CAST: variants seen among roughly 807,000 people sequenced by gnomAD.
The protein encoded by CAST is calpastatin.
In CAST, 76 loss-of-function variants were observed where a neutral mutation model predicts 119.6. The observed-to-expected ratio is 0.64, with a 90% CI of 0.53 to 0.77. The LOEUF is 0.77. CAST is among the 30% of genes least tolerant of loss of function. The pLI, the probability that CAST is intolerant of heterozygous loss-of-function variation, is 0.00. For missense variants in CAST, 953 were observed against 946.5 expected (o/e 1.01, Z -0.09); for synonymous variants, 319 against 331.6 (o/e 0.96, Z 0.41).
intron 1 of CAST, among the ~76,000 whole-genome samples, chr5:96,651,277 C>T (rs113707885): frequency 6.6e-6 from 1 of 152,204 alleles, no homozygotes; most frequent in African/African-American, 2.4e-5. Flanking sequence ...CTCCACCACA[C>T]TGCAGAGGAT....
the CAST span, among the ~76,000 whole-genome samples, chr5:96,503,372 G>T: frequency 6.6e-6 from 1 of 152,014 alleles, no homozygotes; most frequent in African/African-American, 2.4e-5. Context: ...ATCCTCTTTG[G>T]CCTGAATTAT....
chr5:96,166,348 T>A, the CAST span, among the ~76,000 whole-genome samples: 1 of 152,206 alleles, frequency 6.6e-6, no homozygotes, highest in African/African-American at 2.4e-5. Context: ...AACAGAAGTA[T>A]TTAACAACAG....
At chr5:96,416,198 G>T in the CAST span, 2 of 968,498 alleles carry the variant, frequency 2.1e-6, no homozygotes, top group Non-Finnish European at 3.3e-6. Flanking sequence ...AATTAATGGG[G>T]CATAGGTATA....
At chr5:96,364,636 G>A in the CAST span, among the ~76,000 whole-genome samples, 5 of 152,176 alleles carry the variant, frequency 3.3e-5, no homozygotes, top group African/African-American at 1.2e-4. Flanking sequence ...ATTCTCTGAT[G>A]GTAGTTTGTA....
chr5:95,965,593 G>A, the CAST span, among the ~76,000 whole-genome samples: 3 of 152,200 alleles, frequency 2.0e-5, no homozygotes, highest in Non-Finnish European at 4.4e-5. Context: ...AATTTCCAGA[G>A]AGAAAATCTT....
the CAST span, among the ~76,000 whole-genome samples, chr5:96,425,266 C>T: frequency 6.6e-6 from 1 of 152,292 alleles, no homozygotes; most frequent in East Asian, 1.9e-4. Context: ...AGGTAGACAG[C>T]AACACTTAAC....
At chr5:96,411,257 C>T in the CAST span, among the ~76,000 whole-genome samples, 5 of 152,220 alleles carry the variant, frequency 3.3e-5, no homozygotes, top group East Asian at 3.8e-4. Flanking sequence ...CATAATCTAG[C>T]GTTTTGCACT....
chr5:96,029,086 G>A, the CAST span, among the ~76,000 whole-genome samples: 1 of 152,082 alleles, frequency 6.6e-6, no homozygotes, highest in East Asian at 1.9e-4. Context: ...TTCAGGATCT[G>A]GCCAAATGTG....
chr5:96,062,154 G>T, the CAST span, among the ~76,000 whole-genome samples: 3 of 152,070 alleles, frequency 2.0e-5, no homozygotes, highest in Non-Finnish European at 4.4e-5. Flanking sequence ...CTCAGGATTG[G>T]CATAACATTG....
chr5:96,661,383 C>T (rs1299121393), upstream of CAST, among the ~76,000 whole-genome samples: 1 of 144,788 alleles, frequency 6.9e-6, no homozygotes, highest in Non-Finnish European at 1.5e-5. Flanking sequence ...AGAGATCGCG[C>T]CACTGCACTC....
chr5:96,654,900 T>C (rs963828260), intron 1 of CAST, among the ~76,000 whole-genome samples: 4 of 152,240 alleles, frequency 2.6e-5, no homozygotes, highest in African/African-American at 7.2e-5. Flanking sequence ...GTATACTATG[T>C]GTTTATTGCA....
the CAST span, among the ~76,000 whole-genome samples, chr5:96,444,816 T>C: frequency 6.6e-6 from 1 of 152,214 alleles, no homozygotes; most frequent in Admixed American, 6.5e-5. Context: ...TTTTTTCCCC[T>C]ATGGTTCAGT....
At chr5:96,632,123 A>G (rs968826465) in intron 1 of CAST, among the ~76,000 whole-genome samples, 1 of 151,656 alleles carries the variant, frequency 6.6e-6, no homozygotes, top group South Asian at 2.1e-4. Flanking sequence ...TGTGCTTGTC[A>G]GTCATTTGTA....
the CAST span, among the ~76,000 whole-genome samples, chr5:96,002,878 TCA>T: frequency 6.6e-6 from 1 of 152,242 alleles, no homozygotes; most frequent in Non-Finnish European, 1.5e-5. Flanking sequence ...TCATTTTCTC[TCA>T]GTCTTTCTTA....
chr5:96,491,348 G>A, the CAST span, among the ~76,000 whole-genome samples: 14 of 149,716 alleles, frequency 9.4e-5, no homozygotes, highest in Non-Finnish European at 1.5e-4. Context: ...AAACTTAGCC[G>A]GGTGTGGTGG....
At chr5:96,366,181 T>G in the CAST span, among the ~76,000 whole-genome samples, 12 of 152,342 alleles carry the variant, frequency 7.9e-5, no homozygotes, top group African/African-American at 2.9e-4. Context: ...CTTGTAGAGT[T>G]TCTGCAGAGA....
At chr5:96,559,652 G>T (rs1182991314) in intron 1 of CAST, among the ~76,000 whole-genome samples, 1 of 152,158 alleles carries the variant, frequency 6.6e-6, no homozygotes, top group East Asian at 1.9e-4. Flanking sequence ...TACAAGGGAC[G>T]TAAAGGACCC....
chr5:96,374,337 A>G, the CAST span, among the ~76,000 whole-genome samples: 6 of 152,206 alleles, frequency 3.9e-5, no homozygotes, highest in Non-Finnish European at 8.8e-5. Context: ...CCAGAAAACA[A>G]ACAAGTTCAT....
chr5:96,560,788 G>C (rs1267720666), intron 1 of CAST, among the ~76,000 whole-genome samples: 1 of 152,172 alleles, frequency 6.6e-6, no homozygotes, highest in Non-Finnish European at 1.5e-5. Flanking sequence ...GTGGAAGTCA[G>C]TGTGGCGATT....
Sources: allele counts gnomAD v4.1 joint callset (sites outside exome capture counted in the v4.1 genomes callset), GRCh38; gene constraint gnomAD v4.1.1; transcripts MANE v1.5; gene names NCBI Gene and HGNC (gene_info 2026-07-23, HGNC 2026-07-21).